The following MFSD2B variants were observed in gnomAD, a reference collection of about 807,000 sequenced individuals.
The protein encoded by MFSD2B is MFSD2 lysolipid transporter B, sphingolipid.
Under a neutral mutation model 58.4 loss-of-function variants are expected in MFSD2B, and 56 were observed. The observed-to-expected ratio is 0.96, with a 90% CI of 0.77 to 1.20. The LOEUF (loss-of-function observed/expected upper bound fraction) is 1.20, where lower values mean the gene tolerates loss of function less well. Among genes scored for constraint, MFSD2B ranks in the 50% most tolerant of loss-of-function variants. The pLI is 0.00. For missense variants in MFSD2B, 645 were observed against 667.6 expected (o/e 0.97, Z 0.37); for synonymous variants, 287 against 294.4 (o/e 0.97, Z 0.26).
chr2:24,022,717 G>A lies in MFSD2B; in HGVS notation c.979-105G>A. 1 of 939,106 alleles carries A rather than the reference G, an allele frequency of 1.1e-6. No homozygotes were observed. The highest frequency in any genetic ancestry group is 1.6e-6 in the Non-Finnish European group (1 of 635,804). The allele number at this position is 939,106 out of a possible 1,614,324, so 58.2% of individuals were successfully genotyped here. On this transcript the variant is annotated intron_variant, in intron 9 of 13. Coordinates refer to ENST00000338315, the MANE Select transcript of MFSD2B (RefSeq NM_001346880.2). This position sits in a 1 kb window ranked among gnomAD's most constrained non-coding sequence, Gnocchi z 4.5. The stretch of plus-strand genomic sequence containing the variant: ...ATTCATAGCCACCGGTTTGAACCAG[G>A]GGCAAGGCCAAGGTCAGGCATCCAA...
At position 24,023,166 on chromosome 2, in the gene MFSD2B, C is replaced by T. The variant is rs1260618900; in HGVS notation, c.1096C>T (p.Pro366Ser). 3.7e-6 allele frequency: 6 copies of T among 1,613,238 alleles called. No homozygotes were observed. Among genetic ancestry groups the T allele is most frequent in the Non-Finnish European group, 4.2e-6 (5 of 1,179,792 alleles). Residue 366 changes from proline to serine, a missense_variant, in exon 11 of 14, where the codon CCC (proline) becomes TCC (serine). By Grantham distance (74) the Pro-to-Ser change is moderately conservative. Transcript: ENST00000338315. This position sits in a 1 kb window ranked among gnomAD's most constrained non-coding sequence, Gnocchi z 5.0. Reference sequence around the variant, plus strand: ...CTTTGCGATCTTGCTGGCTGCTGTGCCCACAGCACCTGTGGCATATGTCGT... The same window carrying T: ...CTTTGCGATCTTGCTGGCTGCTGTGTCCACAGCACCTGTGGCATATGTCGT... ...VPFAILLAAV[P>S]TAPVAYVVAF...
Position 24,016,928 on chromosome 2 carries a change from G to C in MFSD2B, c.431G>C (p.Trp144Ser), listed in dbSNP as rs1244985239. The C allele has an allele frequency of 6.2e-7, 1 of 1,613,820 alleles. No individual in the cohort carries two copies. The highest frequency in any genetic ancestry group is 1.3e-5 in the African/African-American group (1 of 74,958). ...LPPFTSLRGL[W>S]YTTFYCLFQA... The stretch of plus-strand genomic sequence containing the variant: ...CCCTTCACCAGCCTGCGAGGCCTCT[G>C]GTACACGACTTTCTACTGCCTGTTC... Residue 144 changes from tryptophan (W) to serine (S), a missense_variant, in exon 4 of 14, where the codon TGG becomes TCG. Coordinates refer to ENST00000338315, the MANE Select transcript of MFSD2B (RefSeq NM_001346880.2).
In MFSD2B at chr2:24,023,432, C is replaced by T. The variant is rs965552330; in HGVS notation, c.1170-151C>T. The T allele has an allele frequency of 1.1e-5, 11 of 1,001,148 alleles. No individual in the cohort carries two copies. The highest frequency in any genetic ancestry group is 3.1e-4 in the Middle Eastern group (1 of 3,176). The allele number at this position is 1,001,148 out of a possible 1,614,324, so 62.0% of individuals were successfully genotyped here. On this transcript the variant is annotated intron_variant, in intron 11 of 13. Transcript: ENST00000338315. This position sits in a 1 kb window ranked among gnomAD's most constrained non-coding sequence, Gnocchi z 5.0. ...GCCGGCAGGGGGCTGGCGGGGGGTACGAGCACACAGGCCATCTGCTTCTCT... is the reference window on the plus strand; with the variant it reads ...GCCGGCAGGGGGCTGGCGGGGGGTATGAGCACACAGGCCATCTGCTTCTCT...
chr2:24,017,377 G>A lies in MFSD2B; in HGVS notation c.550+13G>A, dbSNP rs369003382. On this transcript the variant is annotated intron_variant, in intron 5 of 13. Coordinates refer to ENST00000338315, the MANE Select transcript of MFSD2B (RefSeq NM_001346880.2). This position sits in a 1 kb window ranked among gnomAD's most constrained non-coding sequence, Gnocchi z 4.8. ...GCCACCGCCTACCGTGAGTGCAGCC[G>A]TGGGTTTCGGGTTCCAGGGAGGCAA... 78 of 1,601,150 alleles carry A rather than the reference G, an allele frequency of 4.9e-5. No homozygotes were observed. The highest frequency in any genetic ancestry group is 6.0e-5 in the Non-Finnish European group (70 of 1,174,668).
Position 24,017,081 on chromosome 2 carries a change from T to C in MFSD2B, c.471+113T>C. On this transcript the variant is annotated intron_variant, in intron 4 of 13. Transcript: ENST00000338315. The surrounding 1 kb of genome is among the most constrained non-coding windows in gnomAD (Gnocchi z 4.8). The stretch of plus-strand genomic sequence containing the variant: ...GCCGCCCTCCCCACCCGCCTGTGCC[T>C]GGACCATGCCATTGGCACTCGCCAG... The C allele has an allele frequency of 6.7e-7, 1 of 1,490,478 alleles. No homozygotes were observed. Among genetic ancestry groups the C allele is most frequent in the Non-Finnish European group, 9.1e-7 (1 of 1,095,334 alleles). 92.3% of individuals were successfully genotyped at this position (1,490,478 alleles called of 1,614,324 possible).
intron 2 of MFSD2B, 86 bp from the exon 3 acceptor site, chr2:24,016,070 C>T: frequency 6.5e-7 from 1 of 1,545,860 alleles, no homozygotes; most frequent in Admixed American, 1.7e-5. Flanking sequence ...GGTTCCCAGG[C>T]CTCCCTCTTG....
At position 24,020,623 on chromosome 2, in the gene MFSD2B, A is replaced by G. The variant is rs1030443180; in HGVS notation, c.682-1025A>G. On this transcript the variant is annotated intron_variant, in intron 6 of 13. Transcript: ENST00000338315. This position sits in a 1 kb window ranked among gnomAD's most constrained non-coding sequence, Gnocchi z 4.1. Reference sequence around the variant, plus strand: ...CACCCAGGCTGGAGTGCAATGGTGCAATCACAGCTCACAGCAACCTCGACC... The same window carrying G: ...CACCCAGGCTGGAGTGCAATGGTGCGATCACAGCTCACAGCAACCTCGACC... Among the ~76,000 whole-genome samples the G allele has an allele frequency of 6.6e-6, 1 of 152,142 alleles. No homozygotes were observed. The highest frequency in any genetic ancestry group is 1.5e-5 in the Non-Finnish European group (1 of 68,024).
rs1225501783 is a variant in MFSD2B at position 24,022,684 on chromosome 2, AT to A, written c.979-136del. On this transcript the variant is annotated intron_variant, in intron 9 of 13. Transcript: ENST00000338315. The surrounding 1 kb of genome is among the most constrained non-coding windows in gnomAD (Gnocchi z 4.5). ...AGCAGAGGGTAGAATTGGGGCCAGG[AT>A]TACAACATTCATAGCCACCGGTTTG... 6 of 841,766 alleles carry A rather than the reference AT, an allele frequency of 7.1e-6. No homozygotes were observed. Among genetic ancestry groups the A allele is most frequent in the East Asian group, 2.7e-5 (1 of 37,376 alleles). 52.1% of individuals were successfully genotyped at this position (841,766 alleles called of 1,614,324 possible). A position where few individuals can be genotyped will look rare whatever the true frequency, so the allele number is the denominator to read the frequency against.
At position 24,023,835 on chromosome 2, in the gene MFSD2B, G is replaced by A; in HGVS notation, c.1313+109G>A. The A allele has an allele frequency of 2.2e-6, 3 of 1,353,164 alleles. No homozygotes were observed. Among genetic ancestry groups the A allele is most frequent in the South Asian group, 2.6e-5 (2 of 76,046 alleles). The allele number at this position is 1,353,164 out of a possible 1,614,324, so 83.8% of individuals were successfully genotyped here. On this transcript the variant is annotated intron_variant, in intron 12 of 13. Transcript: ENST00000338315. The surrounding 1 kb of genome is among the most constrained non-coding windows in gnomAD (Gnocchi z 5.0). ...GGGCATCCATGAGCCTGGGGCCTAA[G>A]CGCTACTCTTTGGAGAGTGTGGGGA...
Position 24,021,561 on chromosome 2 carries a change from T to C in MFSD2B, c.682-87T>C. On this transcript the variant is annotated intron_variant, in intron 6 of 13. Transcript: ENST00000338315. This position sits in a 1 kb window ranked among gnomAD's most constrained non-coding sequence, Gnocchi z 5.7. ...GGGTTGTGCCTCCCTCCGCTCCCAC[T>C]GGGAGGCAGTACTGCCCTGCCCCTC... 8.0e-7 allele frequency: 1 copy of C among 1,243,380 alleles called. No individual in the cohort carries two copies. The highest frequency in any genetic ancestry group is 1.2e-6 in the Non-Finnish European group (1 of 869,276). 77.0% of individuals were successfully genotyped at this position (1,243,380 alleles called of 1,614,324 possible).
rs1487037039 is a variant in MFSD2B, at chr2:24,024,746, C to T, written c.1490+475C>T. Among the ~76,000 whole-genome samples the T allele has an allele frequency of 6.6e-6, 1 of 152,140 alleles. No homozygotes were observed. The highest frequency in any genetic ancestry group is 1.9e-4 in the East Asian group (1 of 5,186). On this transcript the variant is annotated intron_variant, in intron 13 of 13. Transcript: ENST00000338315. The surrounding 1 kb of genome is among the most constrained non-coding windows in gnomAD (Gnocchi z 4.3). ...CATCTTGTCCCCCTAACTGGCTCCTCCTTCTGTGTCCCTGTCTTGGTGAAT... is the reference window on the plus strand; with the variant it reads ...CATCTTGTCCCCCTAACTGGCTCCTTCTTCTGTGTCCCTGTCTTGGTGAAT...
Position 24,023,699 on chromosome 2 carries a change from C to G in MFSD2B, c.1286C>G (p.Ala429Gly). The change falls in exon 12 of 14, where the codon GCC (alanine) becomes GGC (glycine). Residue 429 changes from alanine (A) to glycine (G), a missense_variant. Coordinates refer to ENST00000338315, the MANE Select transcript of MFSD2B (RefSeq NM_001346880.2). This position sits in a 1 kb window ranked among gnomAD's most constrained non-coding sequence, Gnocchi z 5.0. ...VFFTKLSGACALGISTLSLEF... is the reference protein window; with the variant it reads ...VFFTKLSGACGLGISTLSLEF... ...TTCACCAAGCTGTCTGGCGCATGTG[C>G]CCTGGGCATCTCCACCCTCAGTCTG... The G allele has an allele frequency of 6.2e-7, 1 of 1,613,920 alleles. No homozygotes were observed. Among genetic ancestry groups the G allele is most frequent in the Non-Finnish European group, 8.5e-7 (1 of 1,179,834 alleles).
Position 24,024,000 on chromosome 2 carries a change from A to G in MFSD2B, c.1314-95A>G. 2 of 1,282,666 alleles carry G rather than the reference A, an allele frequency of 1.6e-6. No homozygotes were observed. Among genetic ancestry groups the G allele is most frequent in the Non-Finnish European group, 2.2e-6 (2 of 912,866 alleles). 79.5% of individuals were successfully genotyped at this position (1,282,666 alleles called of 1,614,324 possible). On this transcript the variant is annotated intron_variant, in intron 12 of 13. Coordinates refer to ENST00000338315, the MANE Select transcript of MFSD2B (RefSeq NM_001346880.2). The surrounding 1 kb of genome is among the most constrained non-coding windows in gnomAD (Gnocchi z 5.0). ...GACCAGGAAATGAAGTCCACGTTTCAGGAGGGGGTGGGGTGGGGTGAGGTG... is the reference window on the plus strand; with the variant it reads ...GACCAGGAAATGAAGTCCACGTTTCGGGAGGGGGTGGGGTGGGGTGAGGTG...
At position 24,020,257 on chromosome 2, in the gene MFSD2B, T is replaced by C. The variant is rs2136264; in HGVS notation, c.682-1391T>C. On this transcript the variant is annotated intron_variant, in intron 6 of 13. Coordinates refer to ENST00000338315, the MANE Select transcript of MFSD2B (RefSeq NM_001346880.2). This position sits in a 1 kb window ranked among gnomAD's most constrained non-coding sequence, Gnocchi z 4.1. ...GAGCCTCATGTGAGCAGAGACTGGA[T>C]GCTCTTGGTGGCTCACAACCCACTG... Among the ~76,000 whole-genome samples, 99,153 of 152,084 alleles carry C rather than the reference T, an allele frequency of 0.65. 32,828 individuals carry two copies. Among genetic ancestry groups the C allele is most frequent in the East Asian group, 0.87 (4,476 of 5,174 alleles).
intron 1 of MFSD2B, 91 bp downstream of exon 1, chr2:24,010,283 C>A: frequency 9.4e-7 from 1 of 1,069,464 alleles, no homozygotes; most frequent in Non-Finnish European, 1.2e-6. Context: ...TGGGGGCAGC[C>A]CGGAGGGGCT....
Position 24,025,873 on chromosome 2 carries a change from G to T in MFSD2B, c.*417G>T. 6.0e-6 allele frequency: 1 copy of T among 167,112 alleles called. No homozygotes were observed. 10.4% of individuals were successfully genotyped at this position (167,112 alleles called of 1,614,324 possible). A position where few individuals can be genotyped will look rare whatever the true frequency, so the allele number is the denominator to read the frequency against. On this transcript the variant is annotated 3_prime_UTR_variant, in exon 14 of 14. Coordinates refer to ENST00000338315, the MANE Select transcript of MFSD2B (RefSeq NM_001346880.2). ...CGAGTAGCTGGGACTACAGGTGCCC[G>T]CCACCACGCCCAGCTAATTTTTGTA...
At chr2:24,018,453 C>T in intron 6 of MFSD2B, 1 of 182,002 alleles carries the variant, frequency 5.5e-6, no homozygotes. Flanking sequence ...ACGATCCCCT[C>T]CCCCAAGATA....
chr2:24,017,136 C>A lies in MFSD2B; in HGVS notation c.472-150C>A. ...GCGCGGGACTGGCTGCCCCCTCCTGCCTTTGGGACCCTAGCTCCGACTTCA... is the reference window on the plus strand; with the variant it reads ...GCGCGGGACTGGCTGCCCCCTCCTGACTTTGGGACCCTAGCTCCGACTTCA... On this transcript the variant is annotated intron_variant, in intron 4 of 13. Coordinates refer to ENST00000338315, the MANE Select transcript of MFSD2B (RefSeq NM_001346880.2). This position sits in a 1 kb window ranked among gnomAD's most constrained non-coding sequence, Gnocchi z 4.8. 1 of 1,261,486 alleles carries A rather than the reference C, an allele frequency of 7.9e-7. No homozygotes were observed. Among genetic ancestry groups the A allele is most frequent in the Non-Finnish European group, 1.1e-6 (1 of 913,160 alleles). The allele number at this position is 1,261,486 out of a possible 1,614,324, so 78.1% of individuals were successfully genotyped here. A position where few individuals can be genotyped will look rare whatever the true frequency, so the allele number is the denominator to read the frequency against.
Position 24,023,818 on chromosome 2 carries a change from A to C in MFSD2B, c.1313+92A>C. 1 of 1,445,190 alleles carries C rather than the reference A, an allele frequency of 6.9e-7. No homozygotes were observed. The highest frequency in any genetic ancestry group is 9.5e-7 in the Non-Finnish European group (1 of 1,049,976). 89.5% of individuals were successfully genotyped at this position (1,445,190 alleles called of 1,614,324 possible). On this transcript the variant is annotated intron_variant, in intron 12 of 13. Transcript: ENST00000338315. The surrounding 1 kb of genome is among the most constrained non-coding windows in gnomAD (Gnocchi z 5.0). ...CTCACCTACCAAGCTCAGGGCATCC[A>C]TGAGCCTGGGGCCTAAGCGCTACTC... is the stretch of plus-strand genomic sequence containing the variant.
Sources: gnomAD v4.1 joint callset for allele counts (sites outside exome capture counted in the v4.1 genomes callset) on GRCh38, gnomAD v4.1.1 for gene constraint, Gnocchi (gnomAD v3.1) non-coding constraint, MANE v1.5 for transcripts, NCBI Gene and HGNC (gene_info 2026-07-23, HGNC 2026-07-21) for gene names.